The following MAST4 variants were observed in gnomAD, a reference collection of about 807,000 sequenced individuals.
The protein encoded by MAST4 is microtubule associated serine/threonine kinase family member 4, also known as microtubule-associated serine/threonine-protein kinase 4.
A neutral mutation model predicts 162.7 loss-of-function variants in MAST4; 89 were observed. The observed-to-expected ratio is 0.55, with a 90% CI of 0.46 to 0.65. The LOEUF is 0.65. Among genes scored for constraint, MAST4 ranks in the 30% least tolerant of loss-of-function variants. The pLI is 0.00. For missense variants in MAST4, 3,153 were observed against 3,374.0 expected (o/e 0.93, Z 1.62); for synonymous variants, 1,479 against 1,361.1 (o/e 1.09, Z -1.91).
At chr5:66,768,316 G>A (rs1754199784) in intron 2 of MAST4, among the ~76,000 whole-genome samples, 1 of 152,182 alleles carries the variant, frequency 6.6e-6, no homozygotes, top group Non-Finnish European at 1.5e-5. Context: ...ACAGGGCTGG[G>A]TATCCAAAGC....
intron 3 of MAST4, among the ~76,000 whole-genome samples, chr5:66,848,988 T>C (rs1214098741): frequency 6.6e-6 from 1 of 152,240 alleles, no homozygotes; most frequent in Non-Finnish European, 1.5e-5. Flanking sequence ...GTTAAAGCGA[T>C]GGAATTTTGT....
intron 1 of MAST4, among the ~76,000 whole-genome samples, chr5:66,630,862 C>T (rs538184184): frequency 6.6e-6 from 1 of 152,274 alleles, no homozygotes; most frequent in Admixed American, 6.5e-5. Context: ...AACATTGGCT[C>T]AGGAATAACA....
At chr5:67,158,775 C>T (rs1772848692) in intron 26 of MAST4, among the ~76,000 whole-genome samples, 1 of 152,182 alleles carries the variant, frequency 6.6e-6, no homozygotes, top group African/African-American at 2.4e-5. Flanking sequence ...TAGCTCATGC[C>T]TGTAATCCCA....
chr5:67,063,275 G>A (rs1407487247), intron 5 of MAST4, among the ~76,000 whole-genome samples: 2 of 152,086 alleles, frequency 1.3e-5, no homozygotes, highest in African/African-American at 2.4e-5. Flanking sequence ...ACTGACGTCA[G>A]TCAATGTGTT....
chr5:67,090,750 A>G (rs1763774432), intron 6 of MAST4, among the ~76,000 whole-genome samples: 1 of 151,810 alleles, frequency 6.6e-6, no homozygotes. Context: ...AAGTGTTTTC[A>G]TTGTTCAGAG....
At chr5:66,958,001 G>A (rs1745526263) in intron 4 of MAST4, among the ~76,000 whole-genome samples, 1 of 152,180 alleles carries the variant, frequency 6.6e-6, no homozygotes, top group Admixed American at 6.5e-5. Flanking sequence ...GCCGCCAACT[G>A]TGTGCCCTCA....
At position 66,945,856 on chromosome 5, in the gene MAST4, A is replaced by G. The variant is rs149114933; in HGVS notation, c.674+45874A>G. On this transcript the variant is annotated intron_variant, in intron 4 of 28. Coordinates refer to ENST00000403625, the MANE Select transcript of MAST4 (RefSeq NM_001164664.2). ...TTGCACATAACTTGCACAGCAGGTT[A>G]TGTGCTAAACTATTTAACGAGCATT... Among the ~76,000 whole-genome samples, 3 of 152,286 alleles carry G rather than the reference A, an allele frequency of 2.0e-5. No homozygotes were observed. The East Asian group carries it at 5.8e-4, about 29-fold the overall frequency.
chr5:66,610,493 C>CCCA lies in MAST4; in HGVS notation c.363+13475_363+13476insCCA, dbSNP rs11273208. The stretch of plus-strand genomic sequence containing the variant: ...GAAAAGCCAAAGGCTGTTTTACACC[C>CCCA]GAGAGGTTGAGTGATACCTGGCCCC... On this transcript the variant is annotated intron_variant, in intron 1 of 28. Coordinates refer to ENST00000403625, the MANE Select transcript of MAST4 (RefSeq NM_001164664.2). Among the ~76,000 whole-genome samples, 4 of 151,744 alleles carry CCCA rather than the reference C, an allele frequency of 2.6e-5. No individual in the cohort carries two copies. In the East Asian group the frequency reaches 7.8e-4, roughly 29 times the overall value.
At chr5:67,130,439 G>A (rs756893113) in intron 15 of MAST4, 21 bp downstream of exon 15, 7 of 1,611,338 alleles carry the variant, frequency 4.3e-6, no homozygotes, top group Middle Eastern at 1.7e-4. Context: ...CGGAAAACAT[G>A]ACACCTGTAC....
intron 2 of MAST4, among the ~76,000 whole-genome samples, chr5:66,772,415 G>C (rs779967497): frequency 7.1e-4 from 108 of 152,262 alleles, no homozygotes; most frequent in Middle Eastern, 3.4e-3. Flanking sequence ...ACGCTACTGG[G>C]TTCCAAAGTA....
intron 1 of MAST4, among the ~76,000 whole-genome samples, chr5:66,686,605 T>C (rs900206730): frequency 6.6e-6 from 1 of 152,228 alleles, no homozygotes; most frequent in Non-Finnish European, 1.5e-5. Flanking sequence ...CATTTTCTGG[T>C]ATCAGGATTC....
rs71626482 is a variant in MAST4, at chr5:66,930,277, T to C, written c.674+30295T>C. On this transcript the variant is annotated intron_variant, in intron 4 of 28. Transcript: ENST00000403625. ...CATTACCATTTTCTGCTACCTCACA[T>C]TGAGTTACAGCAGCAACAACATCTT... Among the ~76,000 whole-genome samples, 345 of 152,340 alleles carry C rather than the reference T, an allele frequency of 2.3e-3. 1 individual carries two copies. Among genetic ancestry groups the C allele is most frequent in the Non-Finnish European group, 3.9e-3 (266 of 68,016 alleles).
intron 1 of MAST4, among the ~76,000 whole-genome samples, chr5:66,701,378 C>G (rs1749766432): frequency 6.6e-6 from 1 of 152,196 alleles, no homozygotes; most frequent in South Asian, 2.1e-4. Flanking sequence ...TGGTTCTTTA[C>G]AATTAGTAAG....
intron 3 of MAST4, among the ~76,000 whole-genome samples, chr5:66,816,079 C>T (rs1264820954): frequency 6.6e-6 from 1 of 152,164 alleles, no homozygotes; most frequent in East Asian, 1.9e-4. Context: ...CCCTGCCATT[C>T]CATGCAAATG....
In MAST4 at chr5:66,897,678, C is replaced by T. The variant is rs118071684; in HGVS notation, c.643-2273C>T. 1.1e-3 allele frequency among the ~76,000 whole-genome samples: 175 copies of T among 152,300 alleles called. 1 individual carries two copies. In the East Asian group the frequency reaches 0.021, roughly 18 times the overall value. On this transcript the variant is annotated intron_variant, in intron 3 of 28. Coordinates refer to ENST00000403625, the MANE Select transcript of MAST4 (RefSeq NM_001164664.2). ...CTTGGTTAGCGTGGTAGCTTCAGGT[C>T]AGTTGACAGTGGCCTATTAAATGTC...
intron 3 of MAST4, among the ~76,000 whole-genome samples, chr5:66,894,098 A>T (rs1762530411): frequency 6.6e-6 from 1 of 152,210 alleles, no homozygotes; most frequent in Non-Finnish European, 1.5e-5. Flanking sequence ...GAAATATCTA[A>T]AAACCTGAAA....
chr5:66,802,731 C>T (rs33725), intron 3 of MAST4, among the ~76,000 whole-genome samples: 119,140 of 152,012 alleles, frequency 0.78, 47,184 homozygotes, highest in Non-Finnish European at 0.85. Flanking sequence ...ACACTTTCAG[C>T]GTCATGACCT....
chr5:67,100,690 C>G (rs1764931836), intron 8 of MAST4, 98 bp downstream of exon 8: 1 of 1,390,264 alleles, frequency 7.2e-7, no homozygotes, highest in Non-Finnish European at 9.9e-7. Context: ...TGTGTGTTAA[C>G]TGACTTGCAA....
Position 67,165,362 on chromosome 5 carries a change from G to A in MAST4, c.6183G>A (p.Leu2061=), listed in dbSNP as rs1360094810. The A allele has an allele frequency of 3.1e-6, 5 of 1,613,584 alleles. No individual in the cohort carries two copies. In the African/African-American group the frequency reaches 5.3e-5, roughly 17 times the overall value. The change falls in exon 29 of 29, where the codon CTG becomes CTA. Residue 2061 remains leucine (L), a synonymous_variant. Coordinates refer to ENST00000403625, the MANE Select transcript of MAST4 (RefSeq NM_001164664.2). ...ARPPPRDNSS[L]HSAGIPCEKE... Reference sequence around the variant, plus strand: ...CCCCGCCCAGAGACAACTCCTCTCTGCACTCAGCTGGAATTCCCTGTGAGA... The same window carrying A: ...CCCCGCCCAGAGACAACTCCTCTCTACACTCAGCTGGAATTCCCTGTGAGA...
Sources: gnomAD v4.1 joint callset for allele counts (sites outside exome capture counted in the v4.1 genomes callset) on GRCh38, gnomAD v4.1.1 for gene constraint, MANE v1.5 for transcripts, NCBI Gene and HGNC (gene_info 2026-07-23, HGNC 2026-07-21) for gene names.